Variants in NOVA2 observed in about 807,000 individuals in gnomAD.
NOVA2 encodes RNA-binding protein Nova-2.
NOVA2 carries 9 observed loss-of-function variants against 22.5 expected under a neutral mutation model. That is an observed-to-expected ratio of 0.40 (90% CI 0.24 to 0.70). The LOEUF is 0.70. Ranked by LOEUF, NOVA2 falls within the 30% of genes least tolerant of loss-of-function variation. The pLI is 0.38. For missense variants in NOVA2, 383 were observed against 682.8 expected (o/e 0.56, Z 4.89); for synonymous variants, 318 against 335.2 (o/e 0.95, Z 0.56).
At chr19:45,970,526 C>A (rs1305607120) in intron 1 of NOVA2, among the ~76,000 whole-genome samples, 1 of 152,062 alleles carries the variant, frequency 6.6e-6, no homozygotes. Context: ...TAGGCGCCCA[C>A]CACCATGCCC....
intron 1 of NOVA2, among the ~76,000 whole-genome samples, chr19:45,964,638 G>A (rs1406708520): frequency 6.7e-6 from 1 of 148,676 alleles, no homozygotes; most frequent in Non-Finnish European, 1.5e-5. Flanking sequence ...ACAGCTCACT[G>A]CTGCCTCGAC....
intron 2 of NOVA2, among the ~76,000 whole-genome samples, chr19:45,957,734 T>C (rs1289332407): frequency 6.7e-6 from 1 of 150,290 alleles, no homozygotes; most frequent in Non-Finnish European, 1.5e-5. Context: ...AAATAAAAAG[T>C]GTGTGTGTGT....
chr19:45,940,834 G>C lies in NOVA2; in HGVS notation c.508C>G (p.Pro170Ala). 5 of 1,606,054 alleles carry C rather than the reference G, an allele frequency of 3.1e-6. No individual in the cohort carries two copies. The highest frequency in any genetic ancestry group is 4.2e-6 in the Non-Finnish European group (5 of 1,179,940). Residue 170 changes from proline to alanine, a missense_variant, in exon 4 of 4, where the codon CCG becomes GCG. Physicochemically the swap from Pro to Ala is conservative, Grantham distance 27. Coordinates refer to ENST00000263257, the MANE Select transcript of NOVA2 (RefSeq NM_002516.4). The stretch of plus-strand genomic sequence containing the variant: ...CGCTCCTGCAGGTTGATGCCCTCCG[G>C]CTTCTGGGACAGCTGCACCCATGCT... ...SGAWVQLSQKPEGINLQERVV... is the reference protein window; with the variant it reads ...SGAWVQLSQKAEGINLQERVV...
intron 3 of NOVA2, among the ~76,000 whole-genome samples, chr19:45,941,411 T>G (rs1967756708): frequency 6.6e-6 from 1 of 151,954 alleles, no homozygotes; most frequent in Admixed American, 6.6e-5. Context: ...TCAAGGGATC[T>G]CCTGCCTTAG....
At chr19:45,967,767 C>A (rs1968184864) in intron 1 of NOVA2, 1 of 152,072 alleles carries the variant, frequency 6.6e-6, no homozygotes, top group African/African-American at 2.4e-5. Context: ...CAAGGTGAAA[C>A]CCTGTCTCTA....
chr19:45,941,502 G>A (rs887238907), intron 3 of NOVA2, among the ~76,000 whole-genome samples: 1 of 151,712 alleles, frequency 6.6e-6, no homozygotes, highest in Non-Finnish European at 1.5e-5. Flanking sequence ...AGACTGAGAC[G>A]CCCCAGGTCA....
intron 1 of NOVA2, among the ~76,000 whole-genome samples, chr19:45,969,962 A>C (rs1968213638): frequency 6.6e-6 from 1 of 152,178 alleles, no homozygotes; most frequent in Admixed American, 6.5e-5. Flanking sequence ...CCAGTAGGCC[A>C]CTGCTTGCTG....
chr19:45,940,229 G>T lies in NOVA2; in HGVS notation c.1113C>A (p.Gly371=), dbSNP rs1967726617. ...GGCCGCCCCCTCCGCCCGCCCCGCC[G>T]CCCGCCCCGGCCCCGAGGTAGCCGT... ...AANGYLGAGA[G]GGAGGGGGPL... is the part of the protein sequence containing the mutation. The change falls in exon 4 of 4, where the codon GGC becomes GGA. Residue 371 remains glycine (G), a synonymous_variant. Coordinates refer to ENST00000263257, the MANE Select transcript of NOVA2 (RefSeq NM_002516.4). The T allele has an allele frequency of 2.8e-6, 3 of 1,089,022 alleles. No homozygotes were observed. Among genetic ancestry groups the T allele is most frequent in the Non-Finnish European group, 3.3e-6 (3 of 901,362 alleles). The allele number at this position is 1,089,022 out of a possible 1,614,324, so 67.5% of individuals were successfully genotyped here.
Position 45,940,106 on chromosome 19 carries a change from C to T in NOVA2, c.1236G>A (p.Ala412=), listed in dbSNP as rs773864384. 6.2e-7 allele frequency: 1 copy of T among 1,613,516 alleles called. No individual in the cohort carries two copies. Among genetic ancestry groups the T allele is most frequent in the Non-Finnish European group, 8.5e-7 (1 of 1,179,896 alleles). The change falls in exon 4 of 4, where the codon GCG becomes GCA. Residue 412 remains alanine, a synonymous_variant. Coordinates refer to ENST00000263257, the MANE Select transcript of NOVA2 (RefSeq NM_002516.4). ...AESAKELVEI[A]VPENLVGAIL... is the part of the protein sequence containing the mutation. ...TGGCTCCCACCAGGTTCTCAGGCAC[C>T]GCAATCTCCACCAGCTCCTTGGCAC...
Position 45,937,987 on chromosome 19 carries a change from AG to A in NOVA2, c.*1875del, listed in dbSNP as rs1967681157. On this transcript the variant is annotated 3_prime_UTR_variant, in exon 4 of 4. Coordinates refer to ENST00000263257, the MANE Select transcript of NOVA2 (RefSeq NM_002516.4). ...TTCCCCCAAAGTCATAGAGAAGAAA[AG>A]GGTTTGGAAGACCTAGGAGGCGGAC... 1 of 151,856 alleles carries A rather than the reference AG, an allele frequency of 6.6e-6. No individual in the cohort carries two copies. The highest frequency in any genetic ancestry group is 2.4e-5 in the African/African-American group (1 of 41,378). 9.4% of individuals were successfully genotyped at this position (151,856 alleles called of 1,614,324 possible).
intron 3 of NOVA2, among the ~76,000 whole-genome samples, chr19:45,949,732 G>A (rs972428468): frequency 2.1e-5 from 3 of 140,630 alleles, no homozygotes; most frequent in African/African-American, 2.7e-5. Context: ...GGTCCAAATC[G>A]TAGGTTGTTT....
chr19:45,964,157 TTC>T (rs1467962731), intron 1 of NOVA2, among the ~76,000 whole-genome samples: 1 of 147,582 alleles, frequency 6.8e-6, no homozygotes, highest in African/African-American at 2.5e-5. Context: ...GAAGCCTATT[TTC>T]TTTTTTTCTT....
At chr19:45,942,044 G>A (rs1967767693) in intron 3 of NOVA2, among the ~76,000 whole-genome samples, 2 of 152,138 alleles carry the variant, frequency 1.3e-5, no homozygotes, top group South Asian at 4.1e-4. Context: ...AGAGGTGAAA[G>A]GACTTGTCCT....
In NOVA2 at chr19:45,937,595, C is replaced by T. The variant is rs1305111256; in HGVS notation, c.*2268G>A. The T allele has an allele frequency of 6.6e-6, 1 of 152,084 alleles. No individual in the cohort carries two copies. The highest frequency in any genetic ancestry group is 6.5e-5 in the Admixed American group (1 of 15,274). The allele number at this position is 152,084 out of a possible 1,614,324, so 9.4% of individuals were successfully genotyped here. On this transcript the variant is annotated 3_prime_UTR_variant, in exon 4 of 4. Transcript: ENST00000263257. ...GTAGTAGAAGATATGTACAAAGTTA[C>T]ATCAAGAATTGTTTTGGCACTCAGA...
chr19:45,947,206 G>C lies in NOVA2; in HGVS notation c.397-6261C>G, dbSNP rs543436964. Among the ~76,000 whole-genome samples, 8 of 152,138 alleles carry C rather than the reference G, an allele frequency of 5.3e-5. No individual in the cohort carries two copies. In the South Asian group the frequency reaches 1.7e-3, roughly 32 times the overall value. ...AGAGATTTTTGCCTGTATTATTACT[G>C]CTGGGTTCTCAGCGCCTAGAAAAGT... On this transcript the variant is annotated intron_variant, in intron 3 of 3. Coordinates refer to ENST00000263257, the MANE Select transcript of NOVA2 (RefSeq NM_002516.4).
At position 45,973,826 on chromosome 19, in the gene NOVA2, C is replaced by T. The variant is rs1479732470; in HGVS notation, c.-475G>A. On this transcript the variant is annotated 5_prime_UTR_variant, in exon 1 of 4. Coordinates refer to ENST00000263257, the MANE Select transcript of NOVA2 (RefSeq NM_002516.4). ...GACGCGCCACTGGGGGGACGGGACT[C>T]CCCGCTTCTTCTTGGCTCCCTGGGG... is the stretch of plus-strand genomic sequence containing the variant. Among the ~76,000 whole-genome samples, 1 of 151,312 alleles carries T rather than the reference C, an allele frequency of 6.6e-6. No individual in the cohort carries two copies. The highest frequency in any genetic ancestry group is 2.4e-5 in the African/African-American group (1 of 41,234).
rs1262849568 is a variant in NOVA2, at chr19:45,939,852, C to CA, written c.*10dup. On this transcript the variant is annotated 3_prime_UTR_variant, in exon 4 of 4. Transcript: ENST00000263257. Reference sequence around the variant, plus strand: ...GAGGAGAGAAAAGGGTGGGAGCACACACCACAGGCCTCATCCCACTTTCTG... The same window carrying CA: ...GAGGAGAGAAAAGGGTGGGAGCACACAACCACAGGCCTCATCCCACTTTCTG... 1 of 1,613,806 alleles carries CA rather than the reference C, an allele frequency of 6.2e-7. No individual in the cohort carries two copies. Among genetic ancestry groups the CA allele is most frequent in the Non-Finnish European group, 8.5e-7 (1 of 1,179,824 alleles).
intron 1 of NOVA2, among the ~76,000 whole-genome samples, chr19:45,961,995 A>G (rs1196556966): frequency 6.6e-6 from 1 of 152,078 alleles, no homozygotes; most frequent in Non-Finnish European, 1.5e-5. Flanking sequence ...GCTGGTGGTG[A>G]GGGGTGATGG....
chr19:45,943,483 G>A (rs1967792092), intron 3 of NOVA2, among the ~76,000 whole-genome samples: 1 of 151,756 alleles, frequency 6.6e-6, no homozygotes, highest in African/African-American at 2.4e-5. Flanking sequence ...GGAGGCCAAG[G>A]TGGGAGGATC....
Sources: allele counts gnomAD v4.1 joint callset (sites outside exome capture counted in the v4.1 genomes callset), GRCh38; gene constraint gnomAD v4.1.1; transcripts MANE v1.5; gene names NCBI Gene and HGNC (gene_info 2026-07-23, HGNC 2026-07-21).